Variants in ESRRG observed in about 807,000 individuals in gnomAD.
ESRRG encodes the protein estrogen related receptor gamma.
Under a neutral mutation model 44.0 loss-of-function variants are expected in ESRRG, and 13 were observed. The observed-to-expected ratio is 0.30, with a 90% CI of 0.19 to 0.47. The LOEUF (loss-of-function observed/expected upper bound fraction) is 0.47. ESRRG is among the 20% of genes least tolerant of loss of function. ESRRG has a pLI of 1.00. For missense variants in ESRRG, 395 were observed against 580.6 expected (o/e 0.68, Z 3.29); for synonymous variants, 215 against 214.6 (o/e 1.00, Z -0.02).
intron 2 of ESRRG, among the ~76,000 whole-genome samples, chr1:216,780,699 T>C (rs1178395127): frequency 6.6e-6 from 1 of 151,956 alleles, no homozygotes; most frequent in East Asian, 1.9e-4. Flanking sequence ...AGGGAGTGGG[T>C]TCCTACAGAT....
chr1:216,707,116 T>G (rs2082602830), intron 1 of ESRRG, among the ~76,000 whole-genome samples: 1 of 152,242 alleles, frequency 6.6e-6, no homozygotes, highest in Non-Finnish European at 1.5e-5. Context: ...GGAATGAGTT[T>G]ACTAATTCAA....
intron 2 of ESRRG, among the ~76,000 whole-genome samples, chr1:216,901,452 C>T (rs1274766242): frequency 4.6e-5 from 7 of 151,882 alleles, no homozygotes; most frequent in East Asian, 1.9e-4. Flanking sequence ...ATTGCAGCCT[C>T]GACCTCCCAG....
chr1:216,924,712 G>T (rs902765731), intron 2 of ESRRG, among the ~76,000 whole-genome samples: 21 of 152,116 alleles, frequency 1.4e-4, no homozygotes, highest in Middle Eastern at 3.2e-3. Context: ...TCATGTCATG[G>T]CTTTTTGTTG....
intron 2 of ESRRG, among the ~76,000 whole-genome samples, chr1:216,922,907 T>C (rs906858060): frequency 6.6e-6 from 1 of 152,164 alleles, no homozygotes; most frequent in African/African-American, 2.4e-5. Context: ...CCTCCACTCC[T>C]ACCCTTTCAC....
At chr1:216,767,279 A>G (rs6604644) in intron 2 of ESRRG, among the ~76,000 whole-genome samples, 59,988 of 151,830 alleles carry the variant, frequency 0.4, 12,299 homozygotes, top group South Asian at 0.56. Context: ...ACACACACAC[A>G]CACACGCAAA....
intron 5 of ESRRG, among the ~76,000 whole-genome samples, chr1:216,522,379 T>C (rs1448271272): frequency 6.7e-6 from 1 of 150,218 alleles, no homozygotes; most frequent in Non-Finnish European, 1.5e-5. Context: ...TTAAAGGAAG[T>C]ATACTTTTTG....
intron 2 of ESRRG, among the ~76,000 whole-genome samples, chr1:216,762,831 T>C (rs1414959703): frequency 6.6e-6 from 1 of 151,874 alleles, no homozygotes; most frequent in Non-Finnish European, 1.5e-5. Flanking sequence ...TCAAAACACT[T>C]CCCCAAAGGA....
chr1:217,113,444 G>A (rs1052104100), intron 1 of ESRRG, among the ~76,000 whole-genome samples: 1 of 152,104 alleles, frequency 6.6e-6, no homozygotes, highest in African/African-American at 2.4e-5. Context: ...GAGTAGGAGT[G>A]GGGCAGGTAA....
intron 2 of ESRRG, among the ~76,000 whole-genome samples, chr1:216,932,301 A>G (rs1477838632): frequency 6.6e-6 from 1 of 152,222 alleles, no homozygotes; most frequent in Non-Finnish European, 1.5e-5. Flanking sequence ...AAGTTTCAAC[A>G]AAGAAGGAAA....
At chr1:216,923,700 C>T (rs970968352) in intron 2 of ESRRG, among the ~76,000 whole-genome samples, 5 of 152,164 alleles carry the variant, frequency 3.3e-5, no homozygotes, top group Non-Finnish European at 7.3e-5. Flanking sequence ...TCCATGCATC[C>T]GCTTTCTCCA....
intron 2 of ESRRG, among the ~76,000 whole-genome samples, chr1:216,872,169 AT>A (rs990002409): frequency 2.2e-4 from 33 of 152,134 alleles, no homozygotes; most frequent in African/African-American, 8.0e-4. Context: ...ATCTACAGTC[AT>A]TTAAATTGTT....
intron 1 of ESRRG, among the ~76,000 whole-genome samples, chr1:217,022,559 G>GTT (rs2080499031): frequency 1.3e-5 from 2 of 152,052 alleles, no homozygotes; most frequent in African/African-American, 4.8e-5. Context: ...TGGCTAATGA[G>GTT]TTTTTCCCAA....
intron 2 of ESRRG, among the ~76,000 whole-genome samples, chr1:216,895,071 C>A (rs2149435512): frequency 6.6e-6 from 1 of 152,182 alleles, no homozygotes; most frequent in East Asian, 1.9e-4. Flanking sequence ...TTGCACCATG[C>A]CAGAAATATG....
rs2076790326 is a variant in ESRRG at position 216,999,731 on chromosome 1, G to GTATTTT, written c.-105-60064_-105-60059dup. The stretch of plus-strand genomic sequence containing the variant: ...TGATTCATAGTTTGTGAGAAGAAAT[G>GTATTTT]TATTTTTGTTTTTGTTTTTGCTTTT... On this transcript the variant is annotated intron_variant, in intron 1 of 7. Transcript: ENST00000359162. Among the ~76,000 whole-genome samples the GTATTTT allele has an allele frequency of 3.1e-5, 3 of 97,240 alleles. No homozygotes were observed. The South Asian group carries it at 9.1e-4, about 30-fold the overall frequency. 63.8% of individuals were successfully genotyped at this position (97,240 alleles called of 152,430 possible).
intron 2 of ESRRG, among the ~76,000 whole-genome samples, chr1:216,886,612 G>T (rs1213457414): frequency 4.6e-5 from 7 of 152,162 alleles, no homozygotes; most frequent in African/African-American, 1.7e-4. Flanking sequence ...CCTTCAAGAA[G>T]TCATTTAACA....
At chr1:216,599,491 A>C (rs1020343722) in intron 3 of ESRRG, among the ~76,000 whole-genome samples, 5 of 152,164 alleles carry the variant, frequency 3.3e-5, no homozygotes, top group African/African-American at 1.2e-4. Flanking sequence ...TTCGATTTTT[A>C]CCCAAGTGCT....
At chr1:217,056,446 C>T (rs747697312) in intron 1 of ESRRG, among the ~76,000 whole-genome samples, 1 of 151,882 alleles carries the variant, frequency 6.6e-6, no homozygotes, top group Non-Finnish European at 1.5e-5. Flanking sequence ...AAAACAAATG[C>T]AAAAGTATGC....
At chr1:216,734,365 G>A (rs1010643180) in intron 2 of ESRRG, among the ~76,000 whole-genome samples, 2 of 152,156 alleles carry the variant, frequency 1.3e-5, no homozygotes, top group Non-Finnish European at 2.9e-5. Context: ...GGCCTAGTGG[G>A]AGGTGTTCGG....
chr1:216,812,748 C>T (rs903896923), intron 2 of ESRRG, among the ~76,000 whole-genome samples: 1 of 152,144 alleles, frequency 6.6e-6, no homozygotes, highest in Non-Finnish European at 1.5e-5. Context: ...TTCTCTTTCT[C>T]ATTACTACTG....
Sources: gnomAD v4.1 joint callset for allele counts (sites outside exome capture counted in the v4.1 genomes callset) on GRCh38, gnomAD v4.1.1 for gene constraint, MANE v1.5 for transcripts, NCBI Gene and HGNC (gene_info 2026-07-23, HGNC 2026-07-21) for gene names.